The following ADA2 variants were observed in gnomAD, a reference collection of about 807,000 sequenced individuals.
The protein encoded by ADA2 is adenosine deaminase 2, also known as adenosine deaminase CECR1.
ADA2 carries 29 observed loss-of-function variants against 44.2 expected under a neutral mutation model. That is an observed-to-expected ratio of 0.66 (90% CI 0.49 to 0.89). The LOEUF (loss-of-function observed/expected upper bound fraction) is 0.89, where lower values mean the gene tolerates loss of function less well. Ranked by LOEUF, ADA2 falls within the 40% of genes least tolerant of loss-of-function variation. ADA2 has a pLI of 0.00. For synonymous variants in ADA2, 215 were observed against 234.9 expected (o/e 0.92, Z 0.77); for missense variants, 637 against 644.8 (o/e 0.99, Z 0.13).
chr22:17,202,402 G>A (rs1443068108), intron 4 of ADA2, among the ~76,000 whole-genome samples: 2 of 151,892 alleles, frequency 1.3e-5, no homozygotes, highest in Non-Finnish European at 2.9e-5. Context: ...TGAGATTACA[G>A]GCATGAGCCA....
intron 4 of ADA2, chr22:17,193,082 T>C (rs866372390): frequency 1.1e-5 from 11 of 986,326 alleles, no homozygotes; most frequent in South Asian, 1.4e-5. Context: ...ACAGTGGTTA[T>C]GGGAGCAACA....
Position 17,185,666 on chromosome 22 carries a change from ATTC to A in ADA2, c.1081+2670_1081+2672del, listed in dbSNP as rs971952155. On this transcript the variant is annotated intron_variant, in intron 7 of 9. Coordinates refer to ENST00000399837, the MANE Select transcript of ADA2 (RefSeq NM_001282225.2). ...CGCCCAACCCCCTCCCCCTCAAACA[ATTC>A]TTCTGCTCTCCTAGAGCAGACTTTG... 1.4e-4 allele frequency among the ~76,000 whole-genome samples: 21 copies of A among 152,212 alleles called. No homozygotes were observed. In the East Asian group the frequency reaches 3.9e-3, roughly 28 times the overall value.
At chr22:17,192,683 C>T (rs1348975377) in intron 4 of ADA2, among the ~76,000 whole-genome samples, 1 of 152,094 alleles carries the variant, frequency 6.6e-6, no homozygotes, top group Non-Finnish European at 1.5e-5. Context: ...ACAAGATTAG[C>T]TGGGCATGGT....
chr22:17,189,347 A>T (rs1272402126), intron 6 of ADA2, among the ~76,000 whole-genome samples: 1 of 152,062 alleles, frequency 6.6e-6, no homozygotes, highest in African/African-American at 2.4e-5. Flanking sequence ...GTCACCTAAG[A>T]AATGTCCTGG....
At chr22:17,185,867 C>T (rs1343130042) in intron 7 of ADA2, among the ~76,000 whole-genome samples, 1 of 152,214 alleles carries the variant, frequency 6.6e-6, no homozygotes, top group Non-Finnish European at 1.5e-5. Flanking sequence ...AGGTGGGATG[C>T]TGAAGAGAGC....
At chr22:17,199,420 C>CCCTCCCCTCCTCTATCCTCTTCCCCTA in intron 4 of ADA2, 4 of 928,376 alleles carry the variant, frequency 4.3e-6, no homozygotes, top group Non-Finnish European at 5.3e-6. Context: ...AGCGTCTCCT[C>CCCTCCCCTCCTCTATCCTCTTCCCCTA]CCTCCCCTCC....
rs369306297 is a variant in ADA2, at chr22:17,203,702, G to A, written c.614C>T (p.Ser205Leu). 2.0e-5 allele frequency: 32 copies of A among 1,613,984 alleles called. No homozygotes were observed. Among genetic ancestry groups the A allele is most frequent in the Admixed American group, 3.3e-5 (2 of 59,988 alleles). ...GGTGAAGAAGATGGTTTCAAATTTCGACCAGACAACATTTTGGTTTGTGTA... is the reference window on the plus strand; with the variant it reads ...GGTGAAGAAGATGGTTTCAAATTTCAACCAGACAACATTTTGGTTTGTGTA... ...VIYTNQNVVWSKFETIFFTIS... is the reference protein window; with the variant it reads ...VIYTNQNVVWLKFETIFFTIS... The change falls in exon 4 of 10, where the codon TCG becomes TTG. Residue 205 changes from serine to leucine, a missense_variant. Coordinates refer to ENST00000399837, the MANE Select transcript of ADA2 (RefSeq NM_001282225.2).
Position 17,181,572 on chromosome 22 carries a change from T to C in ADA2, c.1447A>G (p.Ser483Gly). 1.2e-6 allele frequency: 2 copies of C among 1,607,894 alleles called. No individual in the cohort carries two copies. Among genetic ancestry groups the C allele is most frequent in the Middle Eastern group, 1.8e-4 (1 of 5,672 alleles). Residue 483 changes from serine (S) to glycine (G), a missense_variant, in exon 10 of 10, where the codon AGT becomes GGT. Physicochemically the swap from Ser to Gly is moderately conservative, Grantham distance 56 (BLOSUM62 0). Coordinates refer to ENST00000399837, the MANE Select transcript of ADA2 (RefSeq NM_001282225.2). ...TTTTTCTCACTCTCCAACAGGGTAC[T>C]GTACCTGCAGGAAGAGGAGGAGCCC... is the stretch of plus-strand genomic sequence containing the variant. ...KQLAMNSIKY[S>G]TLLESEKNTF...
At chr22:17,211,211 T>C (rs2062415464) in intron 1 of ADA2, among the ~76,000 whole-genome samples, 1 of 151,258 alleles carries the variant, frequency 6.6e-6, no homozygotes, top group Non-Finnish European at 1.5e-5. Flanking sequence ...ATACAAAAAT[T>C]AGCTGGGCAT....
chr22:17,209,826 A>G, intron 1 of ADA2, 103 bp from the exon 2 acceptor site: 1 of 648,528 alleles, frequency 1.5e-6, no homozygotes, highest in Non-Finnish European at 2.6e-6. Context: ...CAAGATATTG[A>G]AGGATTCTTC....
rs1238480756 is a variant in ADA2, at chr22:17,181,271, GAC to G, written c.*210_*211del. On this transcript the variant is annotated 3_prime_UTR_variant, in exon 10 of 10. Transcript: ENST00000399837. The stretch of plus-strand genomic sequence containing the variant: ...AGGGAAACTGGAAGAAATGGCCAGA[GAC>G]AGGAGAAAACCAAGAGGGTCAATGT... The G allele has an allele frequency of 2.3e-5, 13 of 555,558 alleles. No individual in the cohort carries two copies. The highest frequency in any genetic ancestry group is 3.6e-5 in the Non-Finnish European group (11 of 309,090). 34.4% of individuals were successfully genotyped at this position (555,558 alleles called of 1,614,324 possible).
chr22:17,184,983 A>AATATATATAT (rs374170344), intron 7 of ADA2, among the ~76,000 whole-genome samples: 1,025 of 78,664 alleles, frequency 0.013, 86 homozygotes, highest in South Asian at 0.076. Flanking sequence ...CCCATGTCAA[A>AATATATATAT]ATATATATAT....
intron 4 of ADA2, chr22:17,193,448 C>T (rs189769992): frequency 2.0e-4 from 70 of 351,728 alleles, no homozygotes; most frequent in African/African-American, 1.2e-3. Context: ...GGGTGGATCA[C>T]GAGGTCATGA....
chr22:17,193,912 C>T (rs1270673362), intron 4 of ADA2, among the ~76,000 whole-genome samples: 10 of 150,738 alleles, frequency 6.6e-5, no homozygotes, highest in African/African-American at 2.4e-4. Flanking sequence ...AAAGAGCTCA[C>T]GCCTGTAATC....
Position 17,191,787 on chromosome 22 carries a change from G to A in ADA2, c.777C>T (p.His259=). The change falls in exon 5 of 10, where the codon CAC becomes CAT. Residue 259 remains histidine, a synonymous_variant. Coordinates refer to ENST00000399837, the MANE Select transcript of ADA2 (RefSeq NM_001282225.2). ...TCTTCACTGACCACTCTTCGTCATG[G>A]TGCTCTCCACTGAGCTCATACACCT... is the stretch of plus-strand genomic sequence containing the variant. ...LLPVYELSGE[H]HDEEWSVKTY... is the part of the protein sequence containing the mutation. 1 of 1,613,474 alleles carries A rather than the reference G, an allele frequency of 6.2e-7. No homozygotes were observed. The highest frequency in any genetic ancestry group is 2.2e-5 in the East Asian group (1 of 44,858).
rs2062316373 is a variant in ADA2 at position 17,203,583 on chromosome 22, T to G, written c.733A>C (p.Ile245Leu). The G allele has an allele frequency of 6.2e-7, 1 of 1,612,422 alleles. No individual in the cohort carries two copies. Among genetic ancestry groups the G allele is most frequent in the Non-Finnish European group, 8.5e-7 (1 of 1,179,868 alleles). ...CTCACCGGCAGCAGCCTGGCTCTGA[T>G]CTCCATGTAGAGCACGTTGTCCTCG... is the stretch of plus-strand genomic sequence containing the variant. ...FYEDNVLYME[I>L]RARLLPVYEL... is the part of the protein sequence containing the mutation. The change falls in exon 4 of 10, where the codon ATC (isoleucine) becomes CTC (leucine). Residue 245 changes from isoleucine (I) to leucine (L), a missense_variant. Ile to Leu is a conservative substitution (Grantham distance 5, BLOSUM62 2). Coordinates refer to ENST00000399837, the MANE Select transcript of ADA2 (RefSeq NM_001282225.2).
In ADA2 at chr22:17,188,102, GAA is replaced by G. The variant is rs10609783; in HGVS notation, c.1081+235_1081+236del. 0.56 allele frequency among the ~76,000 whole-genome samples: 83,118 copies of G among 149,314 alleles called. 23,453 individuals carry two copies. The highest frequency in any genetic ancestry group is 0.78 in the East Asian group (3,972 of 5,072). On this transcript the variant is annotated intron_variant, in intron 7 of 9. Transcript: ENST00000399837. ...AAAAAAGAAAAAAAAAGAAGAAGAA[GAA>G]AAGAAAACAGGAAGGAAAGAAGAAA...
intron 2 of ADA2, among the ~76,000 whole-genome samples, chr22:17,207,885 T>C (rs1416547604): frequency 6.6e-6 from 1 of 152,146 alleles, no homozygotes; most frequent in Non-Finnish European, 1.5e-5. Flanking sequence ...CCTGTGTCTG[T>C]ACAGCTTCTG....
At chr22:17,198,026 GA>G (rs1044383421) in intron 4 of ADA2, among the ~76,000 whole-genome samples, 98 of 144,178 alleles carry the variant, frequency 6.8e-4, no homozygotes, top group African/African-American at 2.5e-3. Context: ...CAACAAGAAC[GA>G]AACTCCGTCT....
Sources: allele counts gnomAD v4.1 joint callset (sites outside exome capture counted in the v4.1 genomes callset), GRCh38; gene constraint gnomAD v4.1.1; transcripts MANE v1.5; gene names NCBI Gene and HGNC (gene_info 2026-07-23, HGNC 2026-07-21).